Variants in MICU2 observed in about 807,000 individuals in gnomAD.
MICU2 encodes calcium uptake protein 2, mitochondrial.
MICU2 carries 64 observed loss-of-function variants against 60.4 expected under a neutral mutation model. That is an observed-to-expected ratio of 1.06 (90% CI 0.87 to 1.31). MICU2 has a LOEUF of 1.31. MICU2 is among the 50% of genes most tolerant of loss of function. MICU2 has a pLI of 0.00. For missense variants in MICU2, 569 were observed against 531.0 expected (o/e 1.07, Z -0.70); for synonymous variants, 201 against 175.0 (o/e 1.15, Z -1.17).
chr13:21,575,541 G>A (rs755199794), intron 1 of MICU2, among the ~76,000 whole-genome samples: 11 of 151,270 alleles, frequency 7.3e-5, no homozygotes, highest in Admixed American at 2.0e-4. Context: ...TGGGCAACAC[G>A]GCGAGACATC....
At chr13:21,520,660 G>GTT (rs60205345) in intron 6 of MICU2, among the ~76,000 whole-genome samples, 170 of 144,584 alleles carry the variant, frequency 1.2e-3, no homozygotes, top group East Asian at 0.01. Flanking sequence ...AGGTTTTTTT[G>GTT]TTTTTTTTTT....
intron 1 of MICU2, among the ~76,000 whole-genome samples, chr13:21,567,237 A>T (rs1193665081): frequency 2.0e-5 from 3 of 152,216 alleles, no homozygotes; most frequent in African/African-American, 7.2e-5. Context: ...AAGCAGGATA[A>T]GAAAGGGATA....
At chr13:21,557,410 T>G (rs1887734424) in intron 2 of MICU2, among the ~76,000 whole-genome samples, 2 of 152,132 alleles carry the variant, frequency 1.3e-5, no homozygotes, top group Non-Finnish European at 2.9e-5. Context: ...GAGTGCACAA[T>G]GGAGGACTGA....
At chr13:21,567,068 C>A (rs1029603879) in intron 1 of MICU2, 124 bp from the exon 2 acceptor site, 2 of 789,082 alleles carry the variant, frequency 2.5e-6, no homozygotes, top group East Asian at 2.8e-5. Flanking sequence ...TAAAATCATT[C>A]ATTTAACAAA....
Position 21,549,146 on chromosome 13 carries a change from G to A in MICU2, c.359-9458C>T, listed in dbSNP as rs937731869. Among the ~76,000 whole-genome samples the A allele has an allele frequency of 3.9e-5, 6 of 152,010 alleles. No individual in the cohort carries two copies. In the South Asian group the frequency reaches 1.0e-3, roughly 26 times the overall value. ...GGGTTTCACCGTGTTAGCCAGGATGGTCTTGATCTCCTGACCTCGTGATCC... is the reference window on the plus strand; with the variant it reads ...GGGTTTCACCGTGTTAGCCAGGATGATCTTGATCTCCTGACCTCGTGATCC... On this transcript the variant is annotated intron_variant, in intron 2 of 11. Coordinates refer to ENST00000382374, the MANE Select transcript of MICU2 (RefSeq NM_152726.3).
At chr13:21,594,881 G>C (rs1888659183) in intron 1 of MICU2, among the ~76,000 whole-genome samples, 1 of 152,124 alleles carries the variant, frequency 6.6e-6, no homozygotes, top group Non-Finnish European at 1.5e-5. Flanking sequence ...CCTGTTAGGG[G>C]GTGGGGATTG....
rs571921402 is a variant in MICU2 at position 21,566,242 on chromosome 13, C to T, written c.358+555G>A. The stretch of plus-strand genomic sequence containing the variant: ...TACACTTAGGAAGGCGTCAGAAAGC[C>T]AACAAGTTTTCACAGACTACTTCTT... On this transcript the variant is annotated intron_variant, in intron 2 of 11. Coordinates refer to ENST00000382374, the MANE Select transcript of MICU2 (RefSeq NM_152726.3). Among the ~76,000 whole-genome samples the T allele has an allele frequency of 2.0e-3, 310 of 152,262 alleles. 1 individual carries two copies. The highest frequency in any genetic ancestry group is 0.01 in the South Asian group (49 of 4,824).
rs1468895271 is a variant in MICU2 at position 21,604,007 on chromosome 13, C to T, written c.142G>A (p.Gly48Arg). 11 of 1,610,814 alleles carry T rather than the reference C, an allele frequency of 6.8e-6. No homozygotes were observed. Among genetic ancestry groups the T allele is most frequent in the Non-Finnish European group, 9.3e-6 (11 of 1,179,248 alleles). ...AVAGAALAGA[G>R]AAWHHSRVSV... ...ACGCGGCTGTGGTGCCAGGCCGCTC[C>T]TGCTCCTGCCAGGGCCGCGCCGGCC... Residue 48 changes from glycine to arginine, a missense_variant, in exon 1 of 12, where the codon GGA becomes AGA. By Grantham distance (125) the Gly-to-Arg change is moderately radical (BLOSUM62 -2). Transcript: ENST00000382374.
At chr13:21,534,755 T>C (rs1887091924) in intron 4 of MICU2, among the ~76,000 whole-genome samples, 1 of 152,230 alleles carries the variant, frequency 6.6e-6, no homozygotes, top group Non-Finnish European at 1.5e-5. Context: ...ACTGGGGATA[T>C]AAAAATAACC....
At chr13:21,566,668 T>C (rs779898162) in intron 2 of MICU2, 129 bp downstream of exon 2, 16 of 740,330 alleles carry the variant, frequency 2.2e-5, no homozygotes, top group Non-Finnish European at 3.4e-5. Context: ...AAGAAAAGTC[T>C]AAATAAGCAA....
intron 2 of MICU2, among the ~76,000 whole-genome samples, chr13:21,553,168 T>C (rs1462254945): frequency 6.6e-6 from 1 of 152,190 alleles, no homozygotes; most frequent in African/African-American, 2.4e-5. Context: ...GTTGGATTCC[T>C]AGGTATTTTA....
chr13:21,579,572 C>T (rs1175942967), intron 1 of MICU2, among the ~76,000 whole-genome samples: 1 of 152,052 alleles, frequency 6.6e-6, no homozygotes, highest in Non-Finnish European at 1.5e-5. Flanking sequence ...GAACTCCTGA[C>T]CTCAGGCGAT....
Position 21,539,290 on chromosome 13 carries a change from A to G in MICU2, c.466+12T>C. ...ACACATAACTAGAAATTTAACAACA[A>G]ACCAAAATTACCTTTATCGCCAAGG... On this transcript the variant is annotated intron_variant, in intron 4 of 11. Coordinates refer to ENST00000382374, the MANE Select transcript of MICU2 (RefSeq NM_152726.3). 4 of 1,612,268 alleles carry G rather than the reference A, an allele frequency of 2.5e-6. No homozygotes were observed. Among genetic ancestry groups the G allele is most frequent in the Non-Finnish European group, 3.4e-6 (4 of 1,179,126 alleles).
chr13:21,507,805 C>A (rs1473009578), intron 8 of MICU2, among the ~76,000 whole-genome samples: 1 of 151,324 alleles, frequency 6.6e-6, no homozygotes, highest in Non-Finnish European at 1.5e-5. Flanking sequence ...GGTTTCACCA[C>A]GTTGGCCAGG....
intron 4 of MICU2, among the ~76,000 whole-genome samples, chr13:21,536,369 T>C (rs1887131484): frequency 1.3e-5 from 2 of 152,096 alleles, no homozygotes; most frequent in South Asian, 2.1e-4. Context: ...GGTCTTGCTC[T>C]GTTGCCCAGG....
intron 9 of MICU2, 107 bp downstream of exon 9, chr13:21,502,819 A>C (rs1886209035): frequency 7.8e-6 from 8 of 1,025,276 alleles, no homozygotes; most frequent in Non-Finnish European, 1.0e-5. Flanking sequence ...GATTTTATAT[A>C]CCATCGAGGG....
At chr13:21,579,533 G>A (rs1426224990) in intron 1 of MICU2, among the ~76,000 whole-genome samples, 1 of 152,014 alleles carries the variant, frequency 6.6e-6, no homozygotes, top group Admixed American at 6.6e-5. Context: ...GTAGAGAAGT[G>A]GTTTCACTAT....
intron 2 of MICU2, among the ~76,000 whole-genome samples, chr13:21,552,960 T>C (rs1244081852): frequency 6.6e-6 from 1 of 152,242 alleles, no homozygotes; most frequent in Admixed American, 6.5e-5. Context: ...TTTCCAATTC[T>C]GTGAAGAAAG....
At chr13:21,593,220 A>T (rs185165102) in intron 1 of MICU2, among the ~76,000 whole-genome samples, 18 of 152,228 alleles carry the variant, frequency 1.2e-4, no homozygotes, top group Non-Finnish European at 1.9e-4. Flanking sequence ...TTACAACGAT[A>T]GGCAAGCAGA....
Sources: gnomAD v4.1 joint callset for allele counts (sites outside exome capture counted in the v4.1 genomes callset) on GRCh38, gnomAD v4.1.1 for gene constraint, MANE v1.5 for transcripts, NCBI Gene and HGNC (gene_info 2026-07-23, HGNC 2026-07-21) for gene names.